BMP6: variants seen among roughly 807,000 people sequenced by gnomAD.
The protein encoded by BMP6 is bone morphogenetic protein 6.
BMP6 carries 17 observed loss-of-function variants against 54.1 expected under a neutral mutation model. The ratio of observed to expected loss-of-function variants is 0.31; its 90% CI spans 0.22 to 0.47. BMP6 has a LOEUF of 0.47. Ranked by LOEUF, BMP6 falls within the 20% of genes least tolerant of loss-of-function variation. The probability of loss-of-function intolerance (pLI) is 1.00; values close to 1 mark genes in which losing one functional copy is unlikely to be tolerated. For missense variants in BMP6, 720 were observed against 690.4 expected (o/e 1.04, Z -0.48); for synonymous variants, 328 against 291.2 (o/e 1.13, Z -1.28).
At chr6:7,814,237 CT>C (rs940036383) in intron 1 of BMP6, among the ~76,000 whole-genome samples, 3 of 152,222 alleles carry the variant, frequency 2.0e-5, no homozygotes, top group Admixed American at 2.0e-4. Context: ...TCAAAGTCAA[CT>C]GATTAGTAAC....
chr6:7,807,914 T>A (rs935642614), intron 1 of BMP6, among the ~76,000 whole-genome samples: 1 of 56,588 alleles, frequency 1.8e-5, no homozygotes, highest in Non-Finnish European at 4.0e-5. Context: ...AAGTCTTTAC[T>A]TTTTTTTTTT....
chr6:7,736,871 C>T (rs1376017835), intron 1 of BMP6, among the ~76,000 whole-genome samples: 3 of 152,130 alleles, frequency 2.0e-5, no homozygotes, highest in African/African-American at 7.2e-5. Flanking sequence ...TATTCTGCTC[C>T]CTTACAGAGG....
At chr6:7,737,741 A>G (rs1040554787) in intron 1 of BMP6, among the ~76,000 whole-genome samples, 1 of 151,586 alleles carries the variant, frequency 6.6e-6, no homozygotes, top group Non-Finnish European at 1.5e-5. Context: ...AGCCTTTGCT[A>G]TGGATCTAGC....
chr6:7,773,534 T>C (rs1757820315), intron 1 of BMP6, among the ~76,000 whole-genome samples: 1 of 152,144 alleles, frequency 6.6e-6, no homozygotes, highest in Non-Finnish European at 1.5e-5. Flanking sequence ...AAACATAGGC[T>C]CAGAAAGGAT....
chr6:7,728,799 A>G (rs989457694), intron 1 of BMP6, among the ~76,000 whole-genome samples: 2 of 152,180 alleles, frequency 1.3e-5, no homozygotes, highest in African/African-American at 2.4e-5. Flanking sequence ...ACACTCGCCA[A>G]AGGAGCACAC....
chr6:7,832,072 G>C (rs1265235987), intron 1 of BMP6, among the ~76,000 whole-genome samples: 4 of 152,164 alleles, frequency 2.6e-5, no homozygotes, highest in Admixed American at 2.0e-4. Flanking sequence ...TTTGGTATAA[G>C]GTAGGGGTTT....
chr6:7,729,027 C>T (rs999076932), intron 1 of BMP6, among the ~76,000 whole-genome samples: 1 of 152,126 alleles, frequency 6.6e-6, no homozygotes, highest in African/African-American at 2.4e-5. Flanking sequence ...CTGGGAAATT[C>T]GTGAAACAGA....
chr6:7,755,403 G>T (rs1757499607), intron 1 of BMP6, among the ~76,000 whole-genome samples: 1 of 152,086 alleles, frequency 6.6e-6, no homozygotes, highest in South Asian at 2.1e-4. Flanking sequence ...ACCACAGTCT[G>T]TTTTTAAATA....
At chr6:7,736,792 C>T (rs988348915) in intron 1 of BMP6, among the ~76,000 whole-genome samples, 5 of 152,168 alleles carry the variant, frequency 3.3e-5, no homozygotes, top group Admixed American at 6.5e-5. Flanking sequence ...TCTCTCTTCA[C>T]GTCAGTTACT....
At chr6:7,851,642 T>G (rs1395689475) in intron 2 of BMP6, among the ~76,000 whole-genome samples, 1 of 152,176 alleles carries the variant, frequency 6.6e-6, no homozygotes, top group Admixed American at 6.5e-5. Context: ...TCCATCAGAT[T>G]TTTAAATCTC....
intron 1 of BMP6, among the ~76,000 whole-genome samples, chr6:7,780,613 A>AT (rs561214093): frequency 5.3e-5 from 8 of 151,740 alleles, no homozygotes; most frequent in African/African-American, 1.7e-4. Flanking sequence ...CTTAATATAC[A>AT]TTTTTTTTAT....
intron 1 of BMP6, among the ~76,000 whole-genome samples, chr6:7,828,918 G>A (rs887599342): frequency 3.3e-5 from 5 of 152,178 alleles, no homozygotes; most frequent in African/African-American, 1.2e-4. Context: ...GAGGTTGGAC[G>A]GAACCATGAG....
intron 2 of BMP6, among the ~76,000 whole-genome samples, chr6:7,859,158 C>T (rs1421671935): frequency 2.0e-5 from 3 of 152,106 alleles, no homozygotes; most frequent in African/African-American, 7.2e-5. Context: ...TTAATTCATT[C>T]CTTCTCTTTC....
chr6:7,771,737 G>A (rs270390), intron 1 of BMP6, among the ~76,000 whole-genome samples: 77,637 of 151,880 alleles, frequency 0.51, 20,756 homozygotes, highest in Non-Finnish European at 0.6. Flanking sequence ...CCAAAACTGC[G>A]CATCAGCCAT....
At chr6:7,831,174 C>T (rs561127957) in intron 1 of BMP6, among the ~76,000 whole-genome samples, 2 of 152,164 alleles carry the variant, frequency 1.3e-5, no homozygotes, top group Non-Finnish European at 2.9e-5. Context: ...ACCTTGAAAA[C>T]ATGATGCTAA....
chr6:7,820,216 C>A (rs924529936), intron 1 of BMP6, among the ~76,000 whole-genome samples: 2 of 152,156 alleles, frequency 1.3e-5, no homozygotes, highest in African/African-American at 2.4e-5. Flanking sequence ...AATGACATCA[C>A]CCCATACATG....
intron 1 of BMP6, among the ~76,000 whole-genome samples, chr6:7,807,514 A>G (rs144443567): frequency 6.6e-6 from 1 of 151,718 alleles, no homozygotes; most frequent in Non-Finnish European, 1.5e-5. Flanking sequence ...CTCCTGACCT[A>G]GTGATCCGCC....
chr6:7,871,228 G>A (rs1004572367), intron 4 of BMP6, among the ~76,000 whole-genome samples: 4 of 152,214 alleles, frequency 2.6e-5, no homozygotes, highest in Non-Finnish European at 5.9e-5. Flanking sequence ...TATCTGTAAT[G>A]TTCATTTGGA....
chr6:7,730,530 T>C (rs113187472), intron 1 of BMP6, among the ~76,000 whole-genome samples: 11 of 152,222 alleles, frequency 7.2e-5, no homozygotes, highest in African/African-American at 2.4e-4. Flanking sequence ...CTTTTGCGGG[T>C]AAGTAGAATC....
Sources: gnomAD v4.1 joint callset for allele counts (sites outside exome capture counted in the v4.1 genomes callset) on GRCh38, gnomAD v4.1.1 for gene constraint, MANE v1.5 for transcripts, NCBI Gene and HGNC (gene_info 2026-07-23, HGNC 2026-07-21) for gene names.